RAPGEF5: variants seen among roughly 807,000 people sequenced by gnomAD.
The protein encoded by RAPGEF5 is M-Ras-regulated GEF.
In RAPGEF5, 65 loss-of-function variants were observed where a neutral mutation model predicts 125.2. The observed-to-expected ratio is 0.52, with a 90% CI of 0.43 to 0.64. RAPGEF5 has a LOEUF of 0.64. Among genes scored for constraint, RAPGEF5 ranks in the 30% least tolerant of loss-of-function variants. The probability of loss-of-function intolerance (pLI) is 0.00; values close to 1 mark genes in which losing one functional copy is unlikely to be tolerated. For synonymous variants in RAPGEF5, 391 were observed against 385.9 expected (o/e 1.01, Z -0.16); for missense variants, 958 against 1,048.1 (o/e 0.91, Z 1.19).
Position 22,160,515 on chromosome 7 carries a change from T to C in RAPGEF5, c.1526+3A>G. ...ACTATAATTAGGAAAATGAAATACT[T>C]ACTGACGACGGTGCATTCCAAGTAT... On this transcript the variant is annotated splice_donor_region_variant and intron_variant, in intron 14 of 25. Transcript: ENST00000665637. The C allele has an allele frequency of 6.5e-7, 1 of 1,539,220 alleles. No homozygotes were observed. The highest frequency in any genetic ancestry group is 8.7e-7 in the Non-Finnish European group (1 of 1,143,284).
chr7:22,293,931 A>G (rs1583555484), intron 5 of RAPGEF5, among the ~76,000 whole-genome samples: 1 of 152,222 alleles, frequency 6.6e-6, no homozygotes, highest in East Asian at 1.9e-4. Context: ...CAGCAAATGT[A>G]CCTTTTACAA....
intron 9 of RAPGEF5, among the ~76,000 whole-genome samples, chr7:22,204,871 A>T (rs942791522): frequency 1.3e-5 from 2 of 152,220 alleles, no homozygotes; most frequent in Non-Finnish European, 2.9e-5. Flanking sequence ...AAAAGTAAAC[A>T]AAAAACCAGA....
At chr7:22,339,878 T>C (rs1430829728) in intron 1 of RAPGEF5, among the ~76,000 whole-genome samples, 1 of 152,230 alleles carries the variant, frequency 6.6e-6, no homozygotes, top group Non-Finnish European at 1.5e-5. Flanking sequence ...GAAAATATTA[T>C]GCTAATCAGC....
intron 6 of RAPGEF5, among the ~76,000 whole-genome samples, chr7:22,278,640 T>C (rs1562504579): frequency 2.0e-5 from 3 of 151,552 alleles, no homozygotes; most frequent in Admixed American, 1.3e-4. Flanking sequence ...CTATTGTCAA[T>C]AGATGGTTCA....
intron 24 of RAPGEF5, among the ~76,000 whole-genome samples, chr7:22,126,126 G>A (rs1782736970): frequency 6.6e-6 from 1 of 152,162 alleles, no homozygotes; most frequent in Non-Finnish European, 1.5e-5. Context: ...TCCAGCCTGG[G>A]TGACAGAGTG....
intron 7 of RAPGEF5, among the ~76,000 whole-genome samples, chr7:22,264,271 C>T (rs749206539): frequency 1.3e-5 from 2 of 152,178 alleles, no homozygotes; most frequent in Non-Finnish European, 2.9e-5. Flanking sequence ...TACTGAACAA[C>T]TGCTTTCCTG....
chr7:22,122,586 C>A, intron 25 of RAPGEF5, 65 bp from the exon 26 acceptor site: 1 of 1,164,024 alleles, frequency 8.6e-7, no homozygotes, highest in Non-Finnish European at 1.3e-6. Flanking sequence ...TACATACCAA[C>A]AAAACCCCAC....
intron 1 of RAPGEF5, among the ~76,000 whole-genome samples, chr7:22,346,310 T>G (rs1784223652): frequency 2.0e-5 from 3 of 152,214 alleles, no homozygotes. Context: ...ACAGCCAAAC[T>G]GCATTTTAAT....
At chr7:22,239,823 T>A (rs1786279667) in intron 7 of RAPGEF5, among the ~76,000 whole-genome samples, 1 of 152,166 alleles carries the variant, frequency 6.6e-6, no homozygotes, top group Non-Finnish European at 1.5e-5. Context: ...TAAATACTTA[T>A]CCCACTGGCT....
intron 11 of RAPGEF5, among the ~76,000 whole-genome samples, chr7:22,189,741 A>G (rs757419354): frequency 1.3e-5 from 2 of 152,236 alleles, no homozygotes; most frequent in Non-Finnish European, 2.9e-5. Flanking sequence ...TACCAGACTC[A>G]TAGTTTTCCT....
At chr7:22,352,084 G>A (rs568180636) in intron 1 of RAPGEF5, among the ~76,000 whole-genome samples, 3 of 152,288 alleles carry the variant, frequency 2.0e-5, no homozygotes, top group Non-Finnish European at 2.9e-5. Context: ...GGTCTTTGGT[G>A]AGCAATTTGG....
At chr7:22,302,153 C>T (rs540964859) in intron 5 of RAPGEF5, among the ~76,000 whole-genome samples, 2 of 152,202 alleles carry the variant, frequency 1.3e-5, no homozygotes, top group Non-Finnish European at 2.9e-5. Flanking sequence ...GCAAATTCCA[C>T]GATCTTGTAA....
In RAPGEF5 at chr7:22,118,930, C is replaced by T. The variant is rs890320237; in HGVS notation, c.*3476G>A. On this transcript the variant is annotated 3_prime_UTR_variant, in exon 26 of 26. Transcript: ENST00000665637. ...CCCACCAGTTTTAAGCAAAACTGGC[C>T]CACTCGCTAAGAAGCAGGCTGAAAT... 5.8e-5 allele frequency: 8 copies of T among 137,246 alleles called. No individual in the cohort carries two copies. The highest frequency in any genetic ancestry group is 1.1e-4 in the Non-Finnish European group (7 of 64,984). The allele number at this position is 137,246 out of a possible 1,614,324, so 8.5% of individuals were successfully genotyped here. A position where few individuals can be genotyped will look rare whatever the true frequency, so the allele number is the denominator to read the frequency against.
intron 6 of RAPGEF5, among the ~76,000 whole-genome samples, chr7:22,275,110 T>C (rs1293425538): frequency 2.6e-5 from 4 of 152,184 alleles, no homozygotes; most frequent in African/African-American, 9.7e-5. Flanking sequence ...CCCCGCCTTG[T>C]ATGGCTGTCA....
At chr7:22,125,702 G>C in intron 24 of RAPGEF5, 44 bp from the exon 25 acceptor site, 1 of 1,540,394 alleles carries the variant, frequency 6.5e-7, no homozygotes, top group Non-Finnish European at 9.0e-7. Context: ...GGGTCGTTGA[G>C]GGTGTTACTG....
intron 9 of RAPGEF5, among the ~76,000 whole-genome samples, chr7:22,203,604 G>C (rs1351366421): frequency 6.6e-6 from 1 of 152,208 alleles, no homozygotes; most frequent in Non-Finnish European, 1.5e-5. Flanking sequence ...GCTGCTCCTT[G>C]TTCCAGATAT....
At chr7:22,228,559 G>A (rs1389154262) in intron 8 of RAPGEF5, among the ~76,000 whole-genome samples, 2 of 139,034 alleles carry the variant, frequency 1.4e-5, no homozygotes, top group Admixed American at 1.4e-4. Flanking sequence ...CCAGGCTGGA[G>A]TGCAATGGCA....
chr7:22,183,943 A>G (rs1784752741), intron 11 of RAPGEF5, among the ~76,000 whole-genome samples: 2 of 152,132 alleles, frequency 1.3e-5, no homozygotes, highest in Admixed American at 1.3e-4. Flanking sequence ...TTTCCCCCTC[A>G]TGTACTCCTT....
At position 22,269,501 on chromosome 7, in the gene RAPGEF5, C is replaced by G. The variant is rs1375118690; in HGVS notation, c.748-2489G>C. Among the ~76,000 whole-genome samples, 4 of 152,074 alleles carry G rather than the reference C, an allele frequency of 2.6e-5. No homozygotes were observed. In the East Asian group the frequency reaches 7.7e-4, roughly 29 times the overall value. On this transcript the variant is annotated intron_variant, in intron 6 of 25. Transcript: ENST00000665637. ...AGAGACAACCCTATTTATACAAAGA[C>G]AGAAGGAGAAAACACAGAAAGGACC... is the stretch of plus-strand genomic sequence containing the variant.
Sources: gnomAD v4.1 joint callset for allele counts (sites outside exome capture counted in the v4.1 genomes callset) on GRCh38, gnomAD v4.1.1 for gene constraint, MANE v1.5 for transcripts, NCBI Gene and HGNC (gene_info 2026-07-23, HGNC 2026-07-21) for gene names.